Variants in EAF2 observed in about 807,000 individuals in gnomAD.
EAF2 encodes ELL associated factor 2, also known as ELL-associated factor 2.
EAF2 carries 29 observed loss-of-function variants against 29.4 expected under a neutral mutation model. The observed-to-expected ratio is 0.99, with a 90% confidence interval of 0.73 to 1.35. The LOEUF (loss-of-function observed/expected upper bound fraction) is 1.35, where lower values mean the gene tolerates loss of function less well. Ranked by LOEUF, EAF2 falls within the 40% of genes most tolerant of loss-of-function variation. EAF2 has a pLI of 0.00. For missense variants in EAF2, 292 were observed against 312.0 expected, an observed-to-expected ratio of 0.94 and a Z score of 0.48; for synonymous variants, 103 against 102.5, an observed-to-expected ratio of 1.00 and a Z score of -0.03.
In EAF2 at chr3:121,849,308, G is replaced by C. The variant is rs181239564; in HGVS notation, c.201+4761G>C. On this transcript the variant is annotated intron_variant, in intron 2 of 5. Transcript: ENST00000273668. ...AATTCCATTTGTCTTAGGTTTCTAT[G>C]GTATTACCAAATAGAAAAAAATTAA... is the stretch of plus-strand genomic sequence containing the variant. Among the ~76,000 whole-genome samples the C allele has an allele frequency of 3.6e-3, 545 of 152,058 alleles. 4 individuals are homozygous for C. Among genetic ancestry groups the C allele is most frequent in the African/African-American group, 0.013 (523 of 41,484 alleles).
intron 1 of EAF2, chr3:121,836,897 T>TA: frequency 1.6e-6 from 1 of 629,144 alleles, no homozygotes; most frequent in Non-Finnish European, 2.0e-6. Flanking sequence ...TATATTCTCT[T>TA]ATGTAGGGCA....
At chr3:121,847,171 G>A (rs1415509316) in intron 2 of EAF2, among the ~76,000 whole-genome samples, 1 of 152,180 alleles carries the variant, frequency 6.6e-6, no homozygotes, top group Non-Finnish European at 1.5e-5. Context: ...CACAGTCAGT[G>A]TCCTGAAACA....
intron 4 of EAF2, among the ~76,000 whole-genome samples, chr3:121,858,176 T>A (rs977751909): frequency 6.6e-6 from 1 of 152,258 alleles, no homozygotes; most frequent in Non-Finnish European, 1.5e-5. Context: ...ATCCTTCGGG[T>A]ATATACCCAG....
intron 1 of EAF2, among the ~76,000 whole-genome samples, chr3:121,838,571 G>A (rs1227045835): frequency 6.6e-6 from 1 of 152,172 alleles, no homozygotes. Flanking sequence ...AATAGATTCA[G>A]AATAGTTTTG....
intron 2 of EAF2, among the ~76,000 whole-genome samples, chr3:121,845,440 CAAAAAAA>C (rs747436052): frequency 1.8e-4 from 11 of 59,968 alleles, no homozygotes; most frequent in African/African-American, 6.3e-4. Flanking sequence ...TCCTACATCT[CAAAAAAA>C]AAAAAAAAAA....
intron 1 of EAF2, among the ~76,000 whole-genome samples, chr3:121,839,872 T>A (rs1708377214): frequency 6.6e-6 from 1 of 152,094 alleles, no homozygotes; most frequent in South Asian, 2.1e-4. Flanking sequence ...TTTAAAAAAT[T>A]ACAATCTAAT....
chr3:121,881,232 A>T (rs570535945), intron 5 of EAF2, among the ~76,000 whole-genome samples: 18 of 152,274 alleles, frequency 1.2e-4, no homozygotes, highest in African/African-American at 4.3e-4. Context: ...TCATAGAATG[A>T]GTTTGGAAGA....
intron 4 of EAF2, among the ~76,000 whole-genome samples, chr3:121,857,448 C>T (rs887459745): frequency 7.4e-5 from 11 of 149,620 alleles, no homozygotes; most frequent in South Asian, 2.1e-4. Flanking sequence ...GCTGAGATTG[C>T]GCCACTGCAC....
At chr3:121,852,385 CTTTG>C (rs1708648607) in intron 2 of EAF2, among the ~76,000 whole-genome samples, 1 of 152,162 alleles carries the variant, frequency 6.6e-6, no homozygotes, top group Non-Finnish European at 1.5e-5. Context: ...AGTAGACCCA[CTTTG>C]TTTGGTTATA....
At chr3:121,871,542 C>G (rs1709013584) in intron 4 of EAF2, among the ~76,000 whole-genome samples, 1 of 151,636 alleles carries the variant, frequency 6.6e-6, no homozygotes, top group Non-Finnish European at 1.5e-5. Flanking sequence ...GAAGAATATA[C>G]CAGGCAGAGG....
chr3:121,836,209 AC>A (rs1364134783), intron 1 of EAF2: 2 of 152,218 alleles, frequency 1.3e-5, no homozygotes, highest in Admixed American at 6.5e-5. Flanking sequence ...CGGGAAGGAA[AC>A]TTCAAGATCA....
chr3:121,873,664 A>G (rs1300858798), intron 5 of EAF2, among the ~76,000 whole-genome samples: 3 of 151,802 alleles, frequency 2.0e-5, no homozygotes, highest in African/African-American at 7.2e-5. Context: ...TAGAGGCAAA[A>G]CACCTTAACA....
At chr3:121,876,554 A>T (rs975405550) in intron 5 of EAF2, among the ~76,000 whole-genome samples, 4 of 151,416 alleles carry the variant, frequency 2.6e-5, no homozygotes, top group Non-Finnish European at 4.4e-5. Flanking sequence ...CATTTGGAAA[A>T]TTTTTTTTTG....
rs1304295377 is a variant in EAF2 at position 121,859,013 on chromosome 3, T to C, written c.484+1857T>C. ...GGTGTGATTTCTGAAGCCTCTGTTATGTTCCATTGGTCTATATATGTGTTT... is the reference window on the plus strand; with the variant it reads ...GGTGTGATTTCTGAAGCCTCTGTTACGTTCCATTGGTCTATATATGTGTTT... On this transcript the variant is annotated intron_variant, in intron 4 of 5. Coordinates refer to ENST00000273668, the MANE Select transcript of EAF2 (RefSeq NM_018456.6). Among the ~76,000 whole-genome samples, 6 of 152,224 alleles carry C rather than the reference T, an allele frequency of 3.9e-5. No homozygotes were observed. In the South Asian group the frequency reaches 8.3e-4, roughly 21 times the overall value.
intron 4 of EAF2, among the ~76,000 whole-genome samples, chr3:121,859,466 CTGTT>C (rs970285417): frequency 3.3e-5 from 5 of 152,082 alleles, no homozygotes; most frequent in South Asian, 4.2e-4. Context: ...ATTTGGCTCT[CTGTT>C]TGTTTGTTAT....
intron 5 of EAF2, among the ~76,000 whole-genome samples, chr3:121,882,309 A>C (rs1709202202): frequency 6.6e-6 from 1 of 151,024 alleles, no homozygotes; most frequent in Non-Finnish European, 1.5e-5. Flanking sequence ...AGATCATGTC[A>C]CTGCACTCCA....
At chr3:121,877,218 C>CGT (rs147052231) in intron 5 of EAF2, among the ~76,000 whole-genome samples, 9 of 149,700 alleles carry the variant, frequency 6.0e-5, no homozygotes, top group South Asian at 4.2e-4. Flanking sequence ...TGTGTGTGTG[C>CGT]GTGTGTGTGT....
chr3:121,864,583 A>G (rs1056367301), intron 4 of EAF2, among the ~76,000 whole-genome samples: 1 of 152,128 alleles, frequency 6.6e-6, no homozygotes, highest in African/African-American at 2.4e-5. Flanking sequence ...TGGGAGGACA[A>G]GGCAGATGGA....
intron 5 of EAF2, among the ~76,000 whole-genome samples, chr3:121,875,775 A>G (rs1242947048): frequency 6.6e-6 from 1 of 151,976 alleles, no homozygotes; most frequent in Non-Finnish European, 1.5e-5. Flanking sequence ...ATTATAAAAA[A>G]GAATAAATTA....
Sources: gnomAD v4.1 joint callset for allele counts (sites outside exome capture counted in the v4.1 genomes callset) on GRCh38, gnomAD v4.1.1 for gene constraint, MANE v1.5 for transcripts, NCBI Gene and HGNC (gene_info 2026-07-23, HGNC 2026-07-21) for gene names.